The following COL28A1 variants were observed in gnomAD, a reference collection of about 807,000 sequenced individuals.
The protein encoded by COL28A1 is collagen type XXVIII alpha 1 chain.
A neutral mutation model predicts 150.2 loss-of-function variants in COL28A1; 161 were observed. The observed-to-expected ratio is 1.07, with a 90% CI of 0.94 to 1.22. The LOEUF is 1.22. COL28A1 is among the 50% of genes most tolerant of loss of function. The probability of loss-of-function intolerance (pLI) is 0.00; values close to 1 mark genes in which losing one functional copy is unlikely to be tolerated. For missense variants in COL28A1, 1,617 were observed against 1,388.3 expected, an observed-to-expected ratio of 1.16 and a Z score of -2.62; for synonymous variants, 552 against 469.7, an observed-to-expected ratio of 1.18 and a Z score of -2.26.
intron 5 of COL28A1, among the ~76,000 whole-genome samples, chr7:7,520,373 A>T (rs1456694176): frequency 6.6e-6 from 1 of 152,204 alleles, no homozygotes; most frequent in African/African-American, 2.4e-5. Flanking sequence ...CAAAACAATC[A>T]CTTCTCAGCA....
chr7:7,410,350 C>T (rs1400061750), intron 27 of COL28A1, among the ~76,000 whole-genome samples: 1 of 152,152 alleles, frequency 6.6e-6, no homozygotes. Context: ...CCCTCGACCC[C>T]CTGCCACAAT....
chr7:7,514,425 T>C (rs758328347), intron 8 of COL28A1, among the ~76,000 whole-genome samples: 2 of 152,170 alleles, frequency 1.3e-5, no homozygotes, highest in Non-Finnish European at 2.9e-5. Flanking sequence ...CTCCAAGACA[T>C]TGAGTTACCT....
At chr7:7,486,948 G>A (rs1359667652) in intron 13 of COL28A1, among the ~76,000 whole-genome samples, 1 of 152,066 alleles carries the variant, frequency 6.6e-6, no homozygotes, top group Non-Finnish European at 1.5e-5. Context: ...GGGAAAACTG[G>A]CCTCATAAAT....
chr7:7,357,329 C>T (rs1024849915), downstream of COL28A1, among the ~76,000 whole-genome samples: 8 of 152,036 alleles, frequency 5.3e-5, no homozygotes, highest in Non-Finnish European at 1.2e-4. Flanking sequence ...GGATTATAGG[C>T]GTGAGCCACG....
intron 27 of COL28A1, among the ~76,000 whole-genome samples, chr7:7,414,364 A>G (rs947043191): frequency 1.3e-5 from 2 of 152,230 alleles, no homozygotes; most frequent in Non-Finnish European, 2.9e-5. Context: ...TTTAGGATCA[A>G]ACAGCCACAG....
At chr7:7,371,513 G>A (rs997446084) in intron 32 of COL28A1, among the ~76,000 whole-genome samples, 15 of 152,194 alleles carry the variant, frequency 9.9e-5, no homozygotes, top group African/African-American at 3.6e-4. Flanking sequence ...GCATAGGCAG[G>A]GCATGAGGCA....
chr7:7,413,717 G>A (rs567350796), intron 27 of COL28A1, among the ~76,000 whole-genome samples: 2 of 152,174 alleles, frequency 1.3e-5, no homozygotes, highest in Admixed American at 1.3e-4. Flanking sequence ...CACACACATT[G>A]TACTGTTATG....
intron 27 of COL28A1, among the ~76,000 whole-genome samples, chr7:7,408,886 A>G (rs1783632533): frequency 6.6e-6 from 1 of 152,276 alleles, no homozygotes; most frequent in African/African-American, 2.4e-5. Flanking sequence ...TTTGTTTTTA[A>G]GAACTCAAAT....
chr7:7,379,590 C>G (rs556395731), intron 30 of COL28A1, among the ~76,000 whole-genome samples: 68 of 152,258 alleles, frequency 4.5e-4, no homozygotes, highest in African/African-American at 1.5e-3. Flanking sequence ...CACTATTTCC[C>G]CAGTGCCTAT....
upstream of COL28A1, among the ~76,000 whole-genome samples, chr7:7,538,446 G>T (rs369942329): frequency 5.1e-4 from 78 of 152,282 alleles, 1 homozygote; most frequent in East Asian, 0.012. Context: ...TGAAATAAAT[G>T]ATTATTAGAA....
At chr7:7,508,776 C>T (rs1181228221) in intron 9 of COL28A1, among the ~76,000 whole-genome samples, 1 of 152,016 alleles carries the variant, frequency 6.6e-6, no homozygotes, top group South Asian at 2.1e-4. Flanking sequence ...AGCAATCCTC[C>T]CACCTCAGCC....
intron 18 of COL28A1, among the ~76,000 whole-genome samples, chr7:7,448,880 A>G (rs114541548): frequency 0.023 from 3,470 of 152,186 alleles, 103 homozygotes; most frequent in African/African-American, 0.072. Context: ...AAAAATCTAG[A>G]AAATGCAAAC....
At chr7:7,382,689 G>A (rs1173615738) in intron 27 of COL28A1, among the ~76,000 whole-genome samples, 1 of 151,948 alleles carries the variant, frequency 6.6e-6, no homozygotes, top group African/African-American at 2.4e-5. Context: ...CGGGCTCCTC[G>A]GGATTGATCT....
intron 27 of COL28A1, among the ~76,000 whole-genome samples, chr7:7,400,265 T>C (rs945131580): frequency 4.6e-5 from 7 of 152,162 alleles, no homozygotes; most frequent in Non-Finnish European, 8.8e-5. Flanking sequence ...GGATTATCCA[T>C]GTGAGCCCTA....
At chr7:7,502,583 CA>C (rs1197587801) in intron 11 of COL28A1, among the ~76,000 whole-genome samples, 1 of 151,782 alleles carries the variant, frequency 6.6e-6, no homozygotes, top group East Asian at 1.9e-4. Flanking sequence ...GGAATCTTTG[CA>C]AATGTTGCAA....
the COL28A1 span, among the ~76,000 whole-genome samples, chr7:7,543,610 A>G: frequency 6.6e-6 from 1 of 152,204 alleles, no homozygotes; most frequent in African/African-American, 2.4e-5. Flanking sequence ...ACACAAATAT[A>G]TAGCAGCATA....
chr7:7,471,125 T>TAAAAAAAAAAAAAAAAAAAAAAAAAAAA (rs746981344), intron 15 of COL28A1, among the ~76,000 whole-genome samples: 3 of 88,522 alleles, frequency 3.4e-5, no homozygotes, highest in East Asian at 3.4e-4. Flanking sequence ...AAAAAATAAT[T>TAAAAAAAAAAAAAAAAAAAAAAAAAAAA]AAAAAAAAAA....
intron 27 of COL28A1, among the ~76,000 whole-genome samples, chr7:7,403,791 A>T (rs1446147132): frequency 6.6e-6 from 1 of 152,198 alleles, no homozygotes; most frequent in Non-Finnish European, 1.5e-5. Flanking sequence ...ACAGTTTTGT[A>T]TGGTTCAATA....
chr7:7,482,248 AGC>A (rs1779367818), intron 13 of COL28A1, among the ~76,000 whole-genome samples: 1 of 152,112 alleles, frequency 6.6e-6, no homozygotes, highest in Non-Finnish European at 1.5e-5. Flanking sequence ...TTGTTGGCTG[AGC>A]ATGGTGGCTC....
Sources: allele counts gnomAD v4.1 joint callset (sites outside exome capture counted in the v4.1 genomes callset), GRCh38; gene constraint gnomAD v4.1.1; transcripts MANE v1.5; gene names NCBI Gene and HGNC (gene_info 2026-07-23, HGNC 2026-07-21).